Variants in P2RY8 observed in about 807,000 individuals in gnomAD.
The protein encoded by P2RY8 is P2Y receptor family member 8, also known as S-geranylgeranyl-glutathione receptor P2RY8.
P2RY8 carries 6 observed loss-of-function variants against 10.0 expected under a neutral mutation model. That is an observed-to-expected ratio of 0.60 (90% CI 0.33 to 1.19). P2RY8 has a LOEUF of 1.19. Among genes scored for constraint, P2RY8 ranks in the 50% most tolerant of loss-of-function variants. The pLI is 0.04. For missense variants in P2RY8, 456 were observed against 542.0 expected (o/e 0.84, Z 1.58); for synonymous variants, 276 against 252.5 (o/e 1.09, Z -0.88).
chrX:1,483,269 C>T (rs1307196018), intron 1 of P2RY8, among the ~76,000 whole-genome samples: 3 of 152,100 alleles, frequency 2.0e-5, no homozygotes, highest in East Asian at 1.9e-4. Flanking sequence ...GAAACCGAGA[C>T]GGTCTCAACT....
chrX:1,502,870 A>G (rs1418872671), intron 1 of P2RY8, among the ~76,000 whole-genome samples: 1 of 149,728 alleles, frequency 6.7e-6, no homozygotes, highest in Non-Finnish European at 1.5e-5. Flanking sequence ...AGCCCCCAGG[A>G]GCTGGGAGAG....
chrX:1,527,295 A>G (rs1247351497), intron 1 of P2RY8, among the ~76,000 whole-genome samples: 4 of 151,738 alleles, frequency 2.6e-5, no homozygotes, highest in Admixed American at 2.6e-4. Context: ...CCACTTATTC[A>G]TTCCTTATCC....
chrX:1,520,756 G>A (rs1277319028), intron 1 of P2RY8, among the ~76,000 whole-genome samples: 5 of 151,032 alleles, frequency 3.3e-5, no homozygotes, highest in Admixed American at 6.6e-5. Context: ...TCATCTTCTT[G>A]TCTCCCAATA....
intron 1 of P2RY8, among the ~76,000 whole-genome samples, chrX:1,519,862 T>C (rs2092378028): frequency 6.6e-6 from 1 of 151,494 alleles, no homozygotes; most frequent in African/African-American, 2.4e-5. Flanking sequence ...CCCATCATCT[T>C]CTTGATCTCT....
chrX:1,466,765 C>G (rs1204886563), intron 1 of P2RY8, among the ~76,000 whole-genome samples, 183 bp from the exon 2 acceptor site: 2 of 150,880 alleles, frequency 1.3e-5, no homozygotes, highest in African/African-American at 4.9e-5. Context: ...CCTTCCCTCC[C>G]TCTCTGCCTC....
intron 1 of P2RY8, among the ~76,000 whole-genome samples, chrX:1,488,004 G>A (rs777927368): frequency 1.3e-5 from 2 of 152,224 alleles, no homozygotes; most frequent in Non-Finnish European, 2.9e-5. Flanking sequence ...CAGCAACTTG[G>A]GAGGCTGAGG....
chrX:1,500,358 G>A (rs1187530082), intron 1 of P2RY8, among the ~76,000 whole-genome samples: 2 of 151,908 alleles, frequency 1.3e-5, no homozygotes, highest in East Asian at 3.9e-4. Flanking sequence ...GCTCACAGCA[G>A]CCTTGAACTC....
intron 1 of P2RY8, among the ~76,000 whole-genome samples, chrX:1,488,042 G>A (rs2092002847): frequency 6.6e-6 from 1 of 152,032 alleles, no homozygotes; most frequent in African/African-American, 2.4e-5. Context: ...CCTGGGAGGT[G>A]GAGGTTGCGG....
At chrX:1,516,389 A>C (rs1297562327) in intron 1 of P2RY8, among the ~76,000 whole-genome samples, 1 of 151,748 alleles carries the variant, frequency 6.6e-6, no homozygotes, top group Non-Finnish European at 1.5e-5. Flanking sequence ...CTCAGGAGGA[A>C]CCAGCCCTGC....
intron 1 of P2RY8, among the ~76,000 whole-genome samples, chrX:1,496,956 C>A (rs768844237): frequency 6.6e-6 from 1 of 150,504 alleles, no homozygotes; most frequent in Non-Finnish European, 1.5e-5. Context: ...TGGTGGCTCA[C>A]GCCTGTAATC....
intron 1 of P2RY8, among the ~76,000 whole-genome samples, chrX:1,479,968 T>C (rs1237723938): frequency 1.3e-5 from 2 of 152,328 alleles, no homozygotes; most frequent in East Asian, 3.9e-4. Flanking sequence ...CCTATATCTC[T>C]TAAAGAAATT....
intron 1 of P2RY8, among the ~76,000 whole-genome samples, chrX:1,527,124 A>G (rs2092444640): frequency 6.6e-6 from 1 of 151,982 alleles, no homozygotes; most frequent in African/African-American, 2.4e-5. Flanking sequence ...TAAATTCCTG[A>G]CCTCAGGTGA....
rs749168937 is a variant in P2RY8 at position 1,519,733 on chromosome X, G to T, written c.-25+17188C>A. Among the ~76,000 whole-genome samples the T allele has an allele frequency of 2.0e-5, 3 of 151,610 alleles. No individual in the cohort carries two copies. The South Asian group carries it at 6.3e-4, about 32-fold the overall frequency. ...CTCTCTGGTTACCAATCATCTCCCT[G>T]GTCCCCAAGATTTTCTCTGATTTCT... On this transcript the variant is annotated intron_variant, in intron 1 of 1. Coordinates refer to ENST00000381297, the MANE Select transcript of P2RY8 (RefSeq NM_178129.5).
At chrX:1,529,389 C>T (rs1352147318) in intron 1 of P2RY8, among the ~76,000 whole-genome samples, 2 of 152,068 alleles carry the variant, frequency 1.3e-5, no homozygotes, top group Non-Finnish European at 2.9e-5. Flanking sequence ...CTGGAAGGAT[C>T]ATCTTGTCTT....
At chrX:1,487,979 G>A (rs1416571300) in intron 1 of P2RY8, among the ~76,000 whole-genome samples, 2 of 152,062 alleles carry the variant, frequency 1.3e-5, no homozygotes, top group Non-Finnish European at 2.9e-5. Flanking sequence ...GCGTGGTGGT[G>A]GGCGTCTGTA....
chrX:1,523,187 C>T (rs1451865024), intron 1 of P2RY8, among the ~76,000 whole-genome samples: 1 of 151,660 alleles, frequency 6.6e-6, no homozygotes, highest in Non-Finnish European at 1.5e-5. Context: ...AAGGGTGTGA[C>T]CTTTGTGGCT....
At position 1,480,099 on chromosome X, in the gene P2RY8, G is replaced by T. The variant is rs1280672615; in HGVS notation, c.-24-13517C>A. On this transcript the variant is annotated intron_variant, in intron 1 of 1. Transcript: ENST00000381297. ...TGATTCTCTACCATTCCTTCCAGAA[G>T]ATAGAAACACAGGGAATATCACCAA... Among the ~76,000 whole-genome samples the T allele has an allele frequency of 1.2e-4, 18 of 152,180 alleles. No individual in the cohort carries two copies. The East Asian group carries it at 3.3e-3, about 28-fold the overall frequency.
In P2RY8 at chrX:1,465,800, G is replaced by A. The variant is rs141452131; in HGVS notation, c.759C>T (p.Asn253=). The A allele has an allele frequency of 4.1e-3, 6,652 of 1,613,420 alleles. 62 individuals carry two copies. The Middle Eastern group carries it at 0.056, about 14-fold the overall frequency. ...LLAFVTCFAP[N]NFVLLAHIVS... ...CGATGTGCGCCAGGAGCACGAAGTT[G>A]TTGGGGGCGAAGCAGGTGACAAAGG... Residue 253 remains asparagine (N), a synonymous_variant, in exon 2 of 2, where the codon AAC becomes AAT. Coordinates refer to ENST00000381297, the MANE Select transcript of P2RY8 (RefSeq NM_178129.5).
Position 1,535,141 on chromosome X carries a change from A to C in P2RY8, c.-25+1780T>G, listed in dbSNP as rs544171340. Among the ~76,000 whole-genome samples, 58 of 149,164 alleles carry C rather than the reference A, an allele frequency of 3.9e-4. No individual in the cohort carries two copies. In the South Asian group the frequency reaches 0.012, roughly 30 times the overall value. The stretch of plus-strand genomic sequence containing the variant: ...CGTAGGACGCTGGCACCTGTCTGGC[A>C]GTGCCTAAATGAAAGTACTGCTTTT... On this transcript the variant is annotated intron_variant, in intron 1 of 1. Transcript: ENST00000381297.
Sources: gnomAD v4.1 joint callset for allele counts (sites outside exome capture counted in the v4.1 genomes callset) on GRCh38, gnomAD v4.1.1 for gene constraint, MANE v1.5 for transcripts, NCBI Gene and HGNC (gene_info 2026-07-23, HGNC 2026-07-21) for gene names.